The following CNTN5 variants were observed in gnomAD, a reference collection of about 807,000 sequenced individuals.
CNTN5 encodes the protein contactin-5.
In CNTN5, 77 loss-of-function variants were observed where a neutral mutation model predicts 129.1. The ratio of observed to expected loss-of-function variants is 0.60; its 90% CI spans 0.50 to 0.72. The LOEUF (loss-of-function observed/expected upper bound fraction) is 0.72. Ranked by LOEUF, CNTN5 falls within the 30% of genes least tolerant of loss-of-function variation. The pLI, the probability that CNTN5 is intolerant of heterozygous loss-of-function variation, is 0.00. For synonymous variants in CNTN5, 509 were observed against 465.6 expected, an observed-to-expected ratio of 1.09 and a Z score of -1.20; for missense variants, 1,478 against 1,328.8, an observed-to-expected ratio of 1.11 and a Z score of -1.75.
At chr11:99,161,410 A>G (rs1296489258) in intron 1 of CNTN5, among the ~76,000 whole-genome samples, 1 of 152,008 alleles carries the variant, frequency 6.6e-6, no homozygotes, top group African/African-American at 2.4e-5. Flanking sequence ...TAATTCTAGG[A>G]TAGTAAAATG....
intron 1 of CNTN5, among the ~76,000 whole-genome samples, chr11:99,050,543 C>A (rs1005917354): frequency 6.6e-6 from 1 of 151,528 alleles, no homozygotes; most frequent in Non-Finnish European, 1.5e-5. Context: ...ATAAAGATTT[C>A]TTTTTAAATT....
At chr11:100,345,155 G>A (rs1952251039) in intron 23 of CNTN5, among the ~76,000 whole-genome samples, 1 of 152,142 alleles carries the variant, frequency 6.6e-6, no homozygotes, top group Non-Finnish European at 1.5e-5. Context: ...ACTTCTCTCA[G>A]TTCTGAAGGC....
intron 13 of CNTN5, among the ~76,000 whole-genome samples, chr11:100,151,613 C>T (rs190873579): frequency 6.6e-6 from 1 of 152,132 alleles, no homozygotes; most frequent in Non-Finnish European, 1.5e-5. Flanking sequence ...ACAGATATTA[C>T]CAACTTAAGT....
chr11:99,427,994 T>G (rs1300733572), intron 2 of CNTN5, among the ~76,000 whole-genome samples: 1 of 152,014 alleles, frequency 6.6e-6, no homozygotes, highest in East Asian at 1.9e-4. Context: ...CAAACCTTAT[T>G]AAGACTTATA....
At chr11:100,029,189 A>G (rs1315046422) in intron 9 of CNTN5, among the ~76,000 whole-genome samples, 10 of 152,140 alleles carry the variant, frequency 6.6e-5, no homozygotes, top group Non-Finnish European at 1.3e-4. Flanking sequence ...AACTTGAATC[A>G]TGTCTAAGAA....
chr11:99,790,391 T>C (rs1476205903), intron 3 of CNTN5, among the ~76,000 whole-genome samples: 1 of 151,994 alleles, frequency 6.6e-6, no homozygotes, highest in African/African-American at 2.4e-5. Context: ...ATGTACTCAA[T>C]GTTTAGCTCC....
At chr11:100,254,903 T>C (rs939962802) in intron 16 of CNTN5, among the ~76,000 whole-genome samples, 11 of 152,258 alleles carry the variant, frequency 7.2e-5, no homozygotes, top group Non-Finnish European at 1.2e-4. Context: ...CATTGCTTTG[T>C]AGCCACTAAA....
chr11:100,199,426 C>T (rs936244828), intron 15 of CNTN5, among the ~76,000 whole-genome samples: 16 of 151,854 alleles, frequency 1.1e-4, no homozygotes, highest in Admixed American at 9.9e-4. Flanking sequence ...ATTCCAACCT[C>T]CTGACCGCCA....
At chr11:99,921,616 C>T (rs539777524) in intron 7 of CNTN5, among the ~76,000 whole-genome samples, 1 of 152,200 alleles carries the variant, frequency 6.6e-6, no homozygotes, top group African/African-American at 2.4e-5. Context: ...ATACTGCACG[C>T]ATTTACTTAC....
chr11:100,337,701 T>C (rs1043363393), intron 21 of CNTN5: 2 of 536,232 alleles, frequency 3.7e-6, no homozygotes, highest in South Asian at 1.6e-5. Flanking sequence ...GCTGTGCATA[T>C]GTTTAGCCAG....
chr11:99,102,176 G>A (rs1866766375), intron 1 of CNTN5, among the ~76,000 whole-genome samples: 1 of 152,042 alleles, frequency 6.6e-6, no homozygotes, highest in Non-Finnish European at 1.5e-5. Context: ...AAGGCACCAA[G>A]TACCTAGACT....
intron 2 of CNTN5, among the ~76,000 whole-genome samples, chr11:99,410,227 C>T (rs1461166924): frequency 6.6e-6 from 1 of 152,108 alleles, no homozygotes. Flanking sequence ...AATGAAAGAG[C>T]TAAAATTTAA....
At chr11:100,168,189 G>A (rs1295931555) in intron 13 of CNTN5, among the ~76,000 whole-genome samples, 1 of 151,946 alleles carries the variant, frequency 6.6e-6, no homozygotes, top group African/African-American at 2.4e-5. Flanking sequence ...GCCAGCAAGT[G>A]CTGACGTAGA....
In CNTN5 at chr11:100,079,858, C is replaced by T. The variant is rs1405201616; in HGVS notation, c.1580+5564C>T. The stretch of plus-strand genomic sequence containing the variant: ...CATTCAGAATGTTCTGCTCATCAAA[C>T]TCATATTGGATTTTCACTCCAGCTC... On this transcript the variant is annotated intron_variant, in intron 13 of 24. Coordinates refer to ENST00000524871, the MANE Select transcript of CNTN5 (RefSeq NM_014361.4). Among the ~76,000 whole-genome samples the T allele has an allele frequency of 5.9e-5, 9 of 152,248 alleles. No individual in the cohort carries two copies. In the East Asian group the frequency reaches 1.5e-3, roughly 26 times the overall value.
At chr11:99,511,099 T>C (rs116621169) in intron 2 of CNTN5, among the ~76,000 whole-genome samples, 10,001 of 150,682 alleles carry the variant, frequency 0.066, 362 homozygotes, top group African/African-American at 0.099. Flanking sequence ...ATAGAAAAAA[T>C]CTTATAGAAA....
At chr11:99,778,065 T>G (rs1945186398) in intron 3 of CNTN5, among the ~76,000 whole-genome samples, 1 of 151,900 alleles carries the variant, frequency 6.6e-6, no homozygotes, top group Non-Finnish European at 1.5e-5. Flanking sequence ...TAATTCAGAT[T>G]GAGTTGAATT....
At chr11:99,185,573 A>G (rs1322942292) in intron 1 of CNTN5, among the ~76,000 whole-genome samples, 2 of 151,834 alleles carry the variant, frequency 1.3e-5, no homozygotes, top group East Asian at 1.9e-4. Flanking sequence ...TTTTTTCCCT[A>G]TGACCTTAAT....
chr11:99,906,878 G>C (rs548297639), intron 6 of CNTN5, among the ~76,000 whole-genome samples: 2 of 151,526 alleles, frequency 1.3e-5, no homozygotes, highest in African/African-American at 4.8e-5. Flanking sequence ...TCTTGGAAGG[G>C]TGTATATGTC....
chr11:99,111,566 C>T (rs1347279578), intron 1 of CNTN5, among the ~76,000 whole-genome samples: 1 of 151,844 alleles, frequency 6.6e-6, no homozygotes, highest in Non-Finnish European at 1.5e-5. Flanking sequence ...TGACCTTATA[C>T]TGAAAATTCA....
Sources: allele counts gnomAD v4.1 joint callset (sites outside exome capture counted in the v4.1 genomes callset), GRCh38; gene constraint gnomAD v4.1.1; transcripts MANE v1.5; gene names NCBI Gene and HGNC (gene_info 2026-07-23, HGNC 2026-07-21).